The following DDHD2 variants were observed in gnomAD, a reference collection of about 807,000 sequenced individuals.
The protein encoded by DDHD2 is triacylglycerol hydrolase DDHD2.
In DDHD2, 62 loss-of-function variants were observed where a neutral mutation model predicts 91.2. That is an observed-to-expected ratio of 0.68 (90% CI 0.55 to 0.84). DDHD2 has a LOEUF of 0.84. DDHD2 is among the 40% of genes least tolerant of loss of function. The pLI is 0.00. For synonymous variants in DDHD2, 271 were observed against 293.9 expected (o/e 0.92, Z 0.80); for missense variants, 740 against 846.9 (o/e 0.87, Z 1.57).
chr8:38,235,197 T>G (rs1050352758), intron 3 of DDHD2, among the ~76,000 whole-genome samples: 3 of 152,258 alleles, frequency 2.0e-5, no homozygotes, highest in Middle Eastern at 3.4e-3. Context: ...TCTTTTCCCC[T>G]TTTCAATCCT....
downstream of DDHD2, chr8:38,267,262 C>A: frequency 6.2e-7 from 1 of 1,613,956 alleles, no homozygotes; most frequent in Non-Finnish European, 8.5e-7. Flanking sequence ...ATATGATATT[C>A]ATACAGGAAG....
chr8:38,257,541 G>T (rs1046888092), intron 16 of DDHD2, among the ~76,000 whole-genome samples: 1 of 149,436 alleles, frequency 6.7e-6, no homozygotes, highest in Non-Finnish European at 1.5e-5. Flanking sequence ...GAGCCACTGC[G>T]CCTGCTCAAA....
intron 1 of DDHD2, chr8:38,268,820 C>G (rs1202217659): frequency 1.2e-5 from 17 of 1,465,844 alleles, no homozygotes; most frequent in Non-Finnish European, 1.4e-5. Context: ...GTGGAAAACG[C>G]ACAGGTGCCC....
chr8:38,240,124 T>G, intron 5 of DDHD2, 151 bp from the exon 6 acceptor site: 1 of 383,394 alleles, frequency 2.6e-6, no homozygotes, highest in Non-Finnish European at 4.6e-6. Flanking sequence ...AATCAGTGTA[T>G]TTTTGCTAGG....
At position 38,233,185 on chromosome 8, in the gene DDHD2, C is replaced by T; in HGVS notation, c.191C>T (p.Ser64Leu). Residue 64 changes from serine (S) to leucine (L), a missense_variant, in exon 2 of 18, where the codon TCA becomes TTA. By Grantham distance (145) the Ser-to-Leu change is moderately radical. Transcript: ENST00000397166. ...TGGATTCCTTTCAACTCTGAGGATT[C>T]ACAGCAGCTGGAAGAGGCATATAGC... ...ETWIPFNSEDSQQLEEAYSSG... is the reference protein window; with the variant it reads ...ETWIPFNSEDLQQLEEAYSSG... The T allele has an allele frequency of 6.2e-7, 1 of 1,613,998 alleles. No individual in the cohort carries two copies. Among genetic ancestry groups the T allele is most frequent in the Non-Finnish European group, 8.5e-7 (1 of 1,179,914 alleles).
chr8:38,268,792 T>TA, intron 1 of DDHD2: 1 of 1,445,822 alleles, frequency 6.9e-7, no homozygotes, highest in Non-Finnish European at 9.1e-7. Context: ...AGTGGGTCCC[T>TA]ACAAAGGCCG....
Position 38,247,700 on chromosome 8 carries a change from A to T in DDHD2, c.1126-13A>T. Reference sequence around the variant, plus strand: ...GAATTTCAAGAATATGAGCTTTATAATTTAATTTTTAGGATTCGCTAAATA... The same window carrying T: ...GAATTTCAAGAATATGAGCTTTATATTTTAATTTTTAGGATTCGCTAAATA... On this transcript the variant is annotated splice_polypyrimidine_tract_variant and intron_variant, in intron 9 of 17. Coordinates refer to ENST00000397166, the MANE Select transcript of DDHD2 (RefSeq NM_015214.3). The T allele has an allele frequency of 6.8e-7, 1 of 1,469,132 alleles. No individual in the cohort carries two copies. The highest frequency in any genetic ancestry group is 1.3e-5 in the South Asian group (1 of 74,116). 91.0% of individuals were successfully genotyped at this position (1,469,132 alleles called of 1,614,324 possible). A position where few individuals can be genotyped will look rare whatever the true frequency, so the allele number is the denominator to read the frequency against.
chr8:38,232,629 C>T (rs1027084208), intron 1 of DDHD2, among the ~76,000 whole-genome samples: 5 of 152,240 alleles, frequency 3.3e-5, no homozygotes, highest in Admixed American at 2.0e-4. Flanking sequence ...AGTAAATTTT[C>T]TGCCTTTAAC....
chr8:38,250,727 G>A (rs1205711844), intron 11 of DDHD2: 1 of 151,708 alleles, frequency 6.6e-6, no homozygotes, highest in Non-Finnish European at 1.5e-5. Flanking sequence ...CAATTTAATG[G>A]TTTTTAGTAT....
At chr8:38,255,448 G>A in intron 16 of DDHD2, 2 of 326,462 alleles carry the variant, frequency 6.1e-6, no homozygotes, top group East Asian at 1.0e-4. Flanking sequence ...GAAATTCAAA[G>A]AAAGAAAAAT....
At chr8:38,242,457 G>T in intron 7 of DDHD2, 72 bp downstream of exon 7, 1 of 1,481,650 alleles carries the variant, frequency 6.7e-7, no homozygotes, top group African/African-American at 1.4e-5. Context: ...GCTTGGGGAC[G>T]TTTTTATGCT....
chr8:38,234,545 G>A lies in DDHD2; in HGVS notation c.372G>A (p.Lys124=). 1 of 1,611,992 alleles carries A rather than the reference G, an allele frequency of 6.2e-7. No individual in the cohort carries two copies. Among genetic ancestry groups the A allele is most frequent in the Non-Finnish European group, 8.5e-7 (1 of 1,179,594 alleles). The change falls in exon 3 of 18, where the codon AAG becomes AAA. Residue 124 remains lysine (K), a synonymous_variant. Coordinates refer to ENST00000397166, the MANE Select transcript of DDHD2 (RefSeq NM_015214.3). ...TWFYKGDKDN[K]YVPYSESFSQ... is the part of the protein sequence containing the mutation. Reference sequence around the variant, plus strand: ...TTTACAAGGGGGACAAAGACAATAAGTATGTTCCCTACTCGGAGAGCTTCA... The same window carrying A: ...TTTACAAGGGGGACAAAGACAATAAATATGTTCCCTACTCGGAGAGCTTCA...
intron 6 of DDHD2, among the ~76,000 whole-genome samples, chr8:38,241,025 C>T (rs895369823): frequency 1.4e-5 from 2 of 145,992 alleles, no homozygotes; most frequent in African/African-American, 5.1e-5. Flanking sequence ...GAGCCGAGAT[C>T]GGGCCACTGC....
chr8:38,260,317 CAGT>C (rs1419960342), intron 17 of DDHD2, 170 bp downstream of exon 17: 1 of 481,490 alleles, frequency 2.1e-6, no homozygotes, highest in African/African-American at 1.9e-5. Context: ...GAAAAAAACA[CAGT>C]AGCCCATTTA....
chr8:38,264,122 T>C, downstream of DDHD2: 1 of 1,008,470 alleles, frequency 9.9e-7, no homozygotes, highest in African/African-American at 1.7e-5. Context: ...GGAGGGCTAG[T>C]TCACCTGTTC....
At chr8:38,266,654 G>A (rs549801098), downstream of DDHD2, among the ~76,000 whole-genome samples, 1 of 152,244 alleles carries the variant, frequency 6.6e-6, no homozygotes, top group East Asian at 1.9e-4. Flanking sequence ...GCATGCCTTG[G>A]CCTCCCAATT....
intron 11 of DDHD2, 78 bp from the exon 12 acceptor site, chr8:38,251,833 TC>T: frequency 1.0e-6 from 1 of 988,954 alleles, no homozygotes; most frequent in South Asian, 1.4e-5. Context: ...CCTACCTACC[TC>T]AGGGTCCTGA....
downstream of DDHD2, chr8:38,265,189 C>T: frequency 2.2e-6 from 1 of 445,346 alleles, no homozygotes; most frequent in Non-Finnish European, 4.0e-6. Context: ...TTGCTTGAAC[C>T]CAGGAGGTGG....
intron 16 of DDHD2, among the ~76,000 whole-genome samples, chr8:38,257,052 G>A (rs181160680): frequency 1.3e-5 from 2 of 151,784 alleles, no homozygotes; most frequent in South Asian, 2.1e-4. Context: ...CTCCTGAGCA[G>A]CTGGGAGTAG....
Sources: allele counts gnomAD v4.1 joint callset (sites outside exome capture counted in the v4.1 genomes callset), GRCh38; gene constraint gnomAD v4.1.1; transcripts MANE v1.5; gene names NCBI Gene and HGNC (gene_info 2026-07-23, HGNC 2026-07-21).